CDX4: variants seen among roughly 807,000 people sequenced by gnomAD.
CDX4 encodes homeobox protein CDX-4.
Under a neutral mutation model 14.1 loss-of-function variants are expected in CDX4, and 11 were observed. The observed-to-expected ratio is 0.78, with a 90% CI of 0.49 to 1.29. The LOEUF (loss-of-function observed/expected upper bound fraction) is 1.29, where lower values mean the gene tolerates loss of function less well. CDX4 is among the 50% of genes most tolerant of loss of function. The pLI is 0.00. For missense variants in CDX4, 257 were observed against 237.4 expected (o/e 1.08, Z -0.54); for synonymous variants, 100 against 93.5 (o/e 1.07, Z -0.40).
intron 2 of CDX4, among the ~76,000 whole-genome samples, chrX:73,454,018 A>G (rs2057098168): frequency 8.9e-6 from 1 of 111,768 alleles, no homozygotes; most frequent in Non-Finnish European, 1.9e-5. Context: ...ATGGTTGATT[A>G]TAATTACCTT....
Position 73,454,553 on chromosome X carries a change from A to G in CDX4, c.823A>G (p.Ile275Val), listed in dbSNP as rs1301691506. The change falls in exon 3 of 3, where the codon ATT becomes GTT. Residue 275 changes from isoleucine (I) to valine (V), a missense_variant. Ile to Val is a conservative substitution (Grantham distance 29). Coordinates refer to ENST00000373514, the MANE Select transcript of CDX4 (RefSeq NM_005193.2). ...TPSAVRGFQP[I>V]EIQQVIVSE ...ATCTGCTGTTCGTGGATTTCAACCT[A>G]TTGAGATACAGCAGGTTATAGTCTC... The G allele has an allele frequency of 2.5e-6, 3 of 1,206,702 alleles. No homozygotes were observed. Among genetic ancestry groups the G allele is most frequent in the South Asian group, 1.8e-5 (1 of 56,629 alleles).
In CDX4 at chrX:73,454,448, G is replaced by C. The variant is rs758770897; in HGVS notation, c.718G>C (p.Glu240Gln). The change falls in exon 3 of 3, where the codon GAG (glutamate) becomes CAG (glutamine). Residue 240 changes from glutamate to glutamine, a missense_variant. By Grantham distance (29) the Glu-to-Gln change is conservative (BLOSUM62 2). Coordinates refer to ENST00000373514, the MANE Select transcript of CDX4 (RefSeq NM_005193.2). ...GATCAAAAAGAAAATCTCCCAGTTTGAGAATAGTGGAGGCTCGGTGCAAAG... is the reference window on the plus strand; with the variant it reads ...GATCAAAAAGAAAATCTCCCAGTTTCAGAATAGTGGAGGCTCGGTGCAAAG... ...KMIKKKISQF[E>Q]NSGGSVQSDS... 3.3e-6 allele frequency: 4 copies of C among 1,204,883 alleles called. No homozygotes were observed. The African/African-American group carries it at 7.0e-5, about 21-fold the overall frequency.
At chrX:73,452,123 C>CTTTTTTTTTTTTTTT (rs34896025) in intron 1 of CDX4, among the ~76,000 whole-genome samples, 1 of 66,672 alleles carries the variant, frequency 1.5e-5, no homozygotes, top group Non-Finnish European at 2.8e-5. Flanking sequence ...CACTGGTGTC[C>CTTTTTTTTTTTTTTT]TTTTTTTTTT....
At chrX:73,450,905 T>C (rs2147489460) in intron 1 of CDX4, among the ~76,000 whole-genome samples, 1 of 111,532 alleles carries the variant, frequency 9.0e-6, no homozygotes, top group East Asian at 2.8e-4. Context: ...ATGAACACCA[T>C]TTTAATTTTA....
rs1017141789 is a variant in CDX4 at position 73,454,643 on chromosome X, A to G, written c.*58A>G. The stretch of plus-strand genomic sequence containing the variant: ...TTTTAGTGATGTCTTTTGGGTCTCT[A>G]AGCTATCTACAGGGGAGTTGGAGCA... On this transcript the variant is annotated 3_prime_UTR_variant, in exon 3 of 3. Transcript: ENST00000373514. The G allele has an allele frequency of 4.2e-5, 38 of 899,528 alleles. No homozygotes were observed. The highest frequency in any genetic ancestry group is 5.7e-5 in the Non-Finnish European group (36 of 629,335). 74.1% of individuals were successfully genotyped at this position (899,528 alleles called of 1,213,427 possible).
chrX:73,450,715 AG>A (rs1386702095), intron 1 of CDX4, among the ~76,000 whole-genome samples: 1 of 111,996 alleles, frequency 8.9e-6, no homozygotes, highest in Non-Finnish European at 1.9e-5. Flanking sequence ...TGCAATTTTT[AG>A]CTAAAAACAG....
chrX:73,453,300 A>C (rs761593769), intron 1 of CDX4, among the ~76,000 whole-genome samples: 1 of 111,897 alleles, frequency 8.9e-6, no homozygotes, highest in East Asian at 2.8e-4. Flanking sequence ...ATATATGTCT[A>C]TGTCTATAGA....
Position 73,453,674 on chromosome X carries a change from G to T in CDX4, c.648+12G>T. Reference sequence around the variant, plus strand: ...TTTCCGAGAGACAGGTACACCAGAAGTATATCCAACATGTCCCGTATAGTC... The same window carrying T: ...TTTCCGAGAGACAGGTACACCAGAATTATATCCAACATGTCCCGTATAGTC... On this transcript the variant is annotated intron_variant, in intron 2 of 2. Transcript: ENST00000373514. The T allele has an allele frequency of 8.4e-7, 1 of 1,192,753 alleles. No homozygotes were observed. The highest frequency in any genetic ancestry group is 1.1e-6 in the Non-Finnish European group (1 of 881,461).
chrX:73,453,391 C>A, intron 1 of CDX4, 126 bp from the exon 2 acceptor site: 1 of 530,755 alleles, frequency 1.9e-6, no homozygotes, highest in East Asian at 3.9e-5. Flanking sequence ...ATATTTGATT[C>A]AAAAATATAC....
chrX:73,448,075 T>A (rs1199488875), intron 1 of CDX4, among the ~76,000 whole-genome samples: 1 of 111,920 alleles, frequency 8.9e-6, no homozygotes, highest in Non-Finnish European at 1.9e-5. Context: ...GTTGCCCACA[T>A]GGGAAAAGAG....
At chrX:73,453,690 C>T in intron 2 of CDX4, 28 bp downstream of exon 2, 1 of 1,143,583 alleles carries the variant, frequency 8.7e-7, no homozygotes. Flanking sequence ...CCAACATGTC[C>T]CGTATAGTCC....
chrX:73,447,160 C>G lies in CDX4; in HGVS notation c.-94C>G. The G allele has an allele frequency of 4.0e-6, 4 of 1,006,715 alleles. No homozygotes were observed. In the East Asian group the frequency reaches 1.2e-4, roughly 31 times the overall value. 83.0% of individuals were successfully genotyped at this position (1,006,715 alleles called of 1,213,427 possible). ...AAAGAGCTTGCGGCACAACTACGTA[C>G]TGATAAGTTTATTCTCTGCTGCTTC... is the stretch of plus-strand genomic sequence containing the variant. On this transcript the variant is annotated 5_prime_UTR_variant, in exon 1 of 3. Coordinates refer to ENST00000373514, the MANE Select transcript of CDX4 (RefSeq NM_005193.2).
Position 73,447,127 on chromosome X carries a change from G to T in CDX4, c.-127G>T, listed in dbSNP as rs1430537311. The T allele has an allele frequency of 1.1e-5, 8 of 742,058 alleles. No homozygotes were observed. The highest frequency in any genetic ancestry group is 1.6e-5 in the Non-Finnish European group (8 of 510,002). The allele number at this position is 742,058 out of a possible 1,213,427, so 61.2% of individuals were successfully genotyped here. On this transcript the variant is annotated 5_prime_UTR_variant, in exon 1 of 3. The change creates a new upstream start codon in the 5' untranslated region. Coordinates refer to ENST00000373514, the MANE Select transcript of CDX4 (RefSeq NM_005193.2). ...AGAAACGTGGGATGGAGTAGCCTGA[G>T]GGGTGCAAAAGAGCTTGCGGCACAA...
chrX:73,454,779 G>C lies in CDX4; in HGVS notation c.*194G>C, dbSNP rs751915592. The C allele has an allele frequency of 1.5e-5, 6 of 412,580 alleles. No homozygotes were observed. Among genetic ancestry groups the C allele is most frequent in the Non-Finnish European group, 2.1e-5 (5 of 239,488 alleles). 34.0% of individuals were successfully genotyped at this position (412,580 alleles called of 1,213,427 possible). On this transcript the variant is annotated 3_prime_UTR_variant, in exon 3 of 3. Coordinates refer to ENST00000373514, the MANE Select transcript of CDX4 (RefSeq NM_005193.2). ...ACTATCCCCAGAAAACTCCTGTCAC[G>C]TGCTGTGCTATATGTCAGTCACTCA...
chrX:73,453,018 G>A (rs2057093897), intron 1 of CDX4, among the ~76,000 whole-genome samples: 1 of 111,757 alleles, frequency 8.9e-6, no homozygotes, highest in Admixed American at 9.5e-5. Context: ...CAAGAAGGTA[G>A]GTAAGAGGTT....
chrX:73,447,481 C>G lies in CDX4; in HGVS notation c.228C>G (p.Tyr76Ter). 1 of 1,211,867 alleles carries G rather than the reference C, an allele frequency of 8.3e-7. No individual in the cohort carries two copies. Among genetic ancestry groups the G allele is most frequent in the Non-Finnish European group, 1.1e-6 (1 of 895,424 alleles). ...CTCTGGGAGTCTGGGGCTCACCCTA[C>G]AGTCCCCCGCGAGAAGACTGGAGCG... ...WPSLGVWGSP[Y>*]SPPREDWSVY... The change falls in exon 1 of 3, where the codon TAC (tyrosine) becomes TAG (stop). Residue 76 changes from tyrosine to a stop codon, truncating the protein, a stop_gained. Coordinates refer to ENST00000373514, the MANE Select transcript of CDX4 (RefSeq NM_005193.2). LOFTEE classifies it high-confidence loss of function.
chrX:73,449,572 A>C (rs1694280592), intron 1 of CDX4, among the ~76,000 whole-genome samples: 2 of 111,784 alleles, frequency 1.8e-5, no homozygotes, highest in Admixed American at 1.9e-4. Flanking sequence ...TTCTATGAGA[A>C]GTTTAAAATG....
chrX:73,449,437 C>T (rs184266986), intron 1 of CDX4, among the ~76,000 whole-genome samples: 5 of 111,817 alleles, frequency 4.5e-5, no homozygotes, highest in Admixed American at 9.5e-5. Context: ...TAGCCTGAGT[C>T]TCTCTCTTGG....
Position 73,447,520 on chromosome X carries a change from G to A in CDX4, c.267G>A (p.Pro89=). The A allele has an allele frequency of 1.7e-6, 2 of 1,211,771 alleles. No homozygotes were observed. Among genetic ancestry groups the A allele is most frequent in the Non-Finnish European group, 2.2e-6 (2 of 895,387 alleles). The stretch of plus-strand genomic sequence containing the variant: ...AAGACTGGAGCGTGTATCCTGGGCC[G>A]TCTAGTACAATGGGCACAGTGCCGG... The part of the protein sequence containing the change: ...PREDWSVYPG[P]SSTMGTVPVN... Residue 89 remains proline, a synonymous_variant, in exon 1 of 3, where the codon CCG becomes CCA. Transcript: ENST00000373514.
Sources: gnomAD v4.1 joint callset for allele counts (sites outside exome capture counted in the v4.1 genomes callset) on GRCh38, gnomAD v4.1.1 for gene constraint, MANE v1.5 for transcripts, NCBI Gene and HGNC (gene_info 2026-07-23, HGNC 2026-07-21) for gene names.